The following CA13 variants were observed in gnomAD, a reference collection of about 807,000 sequenced individuals.
The protein encoded by CA13 is carbonic anhydrase 13.
A neutral mutation model predicts 31.5 loss-of-function variants in CA13; 21 were observed. That is an observed-to-expected ratio of 0.67 (90% CI 0.47 to 0.96). The LOEUF (loss-of-function observed/expected upper bound fraction) is 0.96. CA13 is among the 40% of genes least tolerant of loss of function. CA13 has a pLI of 0.00. For missense variants in CA13, 315 were observed against 318.9 expected, an observed-to-expected ratio of 0.99 and a Z score of 0.09; for synonymous variants, 117 against 111.4, an observed-to-expected ratio of 1.05 and a Z score of -0.32.
intron 3 of CA13, 61 bp from the exon 4 acceptor site, chr8:85,266,547 A>T: frequency 7.9e-7 from 1 of 1,269,716 alleles, no homozygotes; most frequent in South Asian, 1.2e-5. Flanking sequence ...TTTTATTTGC[A>T]TTTATGTTTT....
At chr8:85,255,154 G>A (rs1282112919) in intron 2 of CA13, among the ~76,000 whole-genome samples, 3 of 149,064 alleles carry the variant, frequency 2.0e-5, no homozygotes, top group African/African-American at 7.5e-5. Context: ...GACTTTCTTT[G>A]TTCTCAGGCT....
chr8:85,249,343 A>G (rs967235747), intron 1 of CA13, among the ~76,000 whole-genome samples: 3 of 152,066 alleles, frequency 2.0e-5, no homozygotes, highest in African/African-American at 7.2e-5. Context: ...GTTTTTTATA[A>G]AAGTAGCTGG....
intron 2 of CA13, among the ~76,000 whole-genome samples, chr8:85,257,399 G>C (rs950224132): frequency 6.6e-6 from 1 of 152,030 alleles, no homozygotes; most frequent in Non-Finnish European, 1.5e-5. Context: ...AAATGGCCAG[G>C]GTTAGCAAAT....
chr8:85,253,237 G>A (rs1022168852), intron 2 of CA13, among the ~76,000 whole-genome samples: 5 of 149,624 alleles, frequency 3.3e-5, no homozygotes, highest in African/African-American at 1.2e-4. Flanking sequence ...GAGCCACTGC[G>A]CCCAGCCTTT....
At chr8:85,264,224 T>C (rs949704972) in intron 3 of CA13, among the ~76,000 whole-genome samples, 4 of 152,234 alleles carry the variant, frequency 2.6e-5, no homozygotes, top group African/African-American at 9.6e-5. Flanking sequence ...ATGAAACTGA[T>C]TTCAACATTC....
At position 85,245,574 on chromosome 8, in the gene CA13, T is replaced by G. The variant is rs1813707696; in HGVS notation, c.-255T>G. On this transcript the variant is annotated 5_prime_UTR_variant, in exon 1 of 7. Coordinates refer to ENST00000321764, the MANE Select transcript of CA13 (RefSeq NM_198584.3). ...TCTCCGTCTCTCCCTCTAACTCAAA[T>G]CTCTCATTCCCGAGTCCAAACTAAG... is the stretch of plus-strand genomic sequence containing the variant. 1 of 524,302 alleles carries G rather than the reference T, an allele frequency of 1.9e-6. No individual in the cohort carries two copies. Among genetic ancestry groups the G allele is most frequent in the African/African-American group, 2.0e-5 (1 of 48,960 alleles). The allele number at this position is 524,302 out of a possible 1,614,324, so 32.5% of individuals were successfully genotyped here.
chr8:85,254,640 T>C (rs575759635), intron 2 of CA13, among the ~76,000 whole-genome samples: 1 of 152,296 alleles, frequency 6.6e-6, no homozygotes, highest in South Asian at 2.1e-4. Context: ...TGTAGTCCTC[T>C]GAAACAGTAG....
At chr8:85,251,041 C>G in intron 2 of CA13, 104 bp downstream of exon 2, 1 of 1,001,886 alleles carries the variant, frequency 1.0e-6, no homozygotes, top group South Asian at 1.6e-5. Context: ...CTCGCTCTGT[C>G]GCCAGGCTGA....
Position 85,245,796 on chromosome 8 carries a change from C to A in CA13, c.-33C>A. ...TCCCTCCTCTTTCTCGCTGCTCAGTCACATCTTTCTCTTCCTTCCACCCCG... is the reference window on the plus strand; with the variant it reads ...TCCCTCCTCTTTCTCGCTGCTCAGTAACATCTTTCTCTTCCTTCCACCCCG... On this transcript the variant is annotated 5_prime_UTR_variant, in exon 1 of 7. Coordinates refer to ENST00000321764, the MANE Select transcript of CA13 (RefSeq NM_198584.3). The A allele has an allele frequency of 6.2e-7, 1 of 1,613,068 alleles. No homozygotes were observed. Among genetic ancestry groups the A allele is most frequent in the South Asian group, 1.1e-5 (1 of 91,064 alleles).
At position 85,281,381 on chromosome 8, in the gene CA13, G is replaced by A. The variant is rs376472319; in HGVS notation, c.*32G>A. On this transcript the variant is annotated 3_prime_UTR_variant, in exon 7 of 7. Coordinates refer to ENST00000321764, the MANE Select transcript of CA13 (RefSeq NM_198584.3). ...TCACCAATGAACTCCCCCAAACATG[G>A]CTGTGGAGAGACAACAAAACAAAAC... 1 of 1,607,402 alleles carries A rather than the reference G, an allele frequency of 6.2e-7. No individual in the cohort carries two copies. Among genetic ancestry groups the A allele is most frequent in the African/African-American group, 1.3e-5 (1 of 74,850 alleles).
intron 6 of CA13, among the ~76,000 whole-genome samples, chr8:85,272,134 C>T (rs1178043709): frequency 6.6e-6 from 1 of 152,266 alleles, no homozygotes; most frequent in Admixed American, 6.5e-5. Flanking sequence ...CAGTCCTTCA[C>T]CTTCTTCACC....
chr8:85,283,016 C>T lies in CA13; in HGVS notation c.*1667C>T, dbSNP rs1401609129. ...CTTGGCTCACTGCAACCTCCATCTC[C>T]CGGGTTCAAATGATTCTCCTGCCTC... On this transcript the variant is annotated 3_prime_UTR_variant, in exon 7 of 7. Transcript: ENST00000321764. The T allele has an allele frequency of 6.6e-6, 1 of 152,070 alleles. No individual in the cohort carries two copies. Among genetic ancestry groups the T allele is most frequent in the Non-Finnish European group, 1.5e-5 (1 of 68,052 alleles). The allele number at this position is 152,070 out of a possible 1,614,324, so 9.4% of individuals were successfully genotyped here.
At chr8:85,277,011 A>G (rs1807621184) in intron 6 of CA13, among the ~76,000 whole-genome samples, 1 of 152,196 alleles carries the variant, frequency 6.6e-6, no homozygotes, top group Admixed American at 6.5e-5. Flanking sequence ...TGTCTAGCTC[A>G]GGGATTGTAA....
At chr8:85,254,276 T>G (rs992354485) in intron 2 of CA13, among the ~76,000 whole-genome samples, 5 of 66,642 alleles carry the variant, frequency 7.5e-5, no homozygotes, top group African/African-American at 2.7e-4. Context: ...AGATTCCATC[T>G]CAAAAAAAAA....
At chr8:85,254,080 A>G (rs1342361342) in intron 2 of CA13, among the ~76,000 whole-genome samples, 3 of 152,108 alleles carry the variant, frequency 2.0e-5, no homozygotes, top group Non-Finnish European at 2.9e-5. Context: ...AGATTTTGAG[A>G]CCAGCCTGGC....
chr8:85,256,551 A>G (rs958947197), intron 2 of CA13, among the ~76,000 whole-genome samples: 7 of 152,206 alleles, frequency 4.6e-5, no homozygotes, highest in Admixed American at 2.6e-4. Flanking sequence ...ATCTTACACT[A>G]TATATTCTTA....
chr8:85,245,945 C>A, intron 1 of CA13, 80 bp downstream of exon 1: 2 of 1,511,452 alleles, frequency 1.3e-6, no homozygotes, highest in South Asian at 1.1e-5. Context: ...GCTCGCTGAC[C>A]ACACACTGGG....
At chr8:85,268,051 G>T in intron 5 of CA13, 87 bp downstream of exon 5, 1 of 820,262 alleles carries the variant, frequency 1.2e-6, no homozygotes, top group Non-Finnish European at 1.9e-6. Flanking sequence ...GACATATGCT[G>T]CCTGCTTTGA....
chr8:85,268,628 G>A lies in CA13; in HGVS notation c.669+1G>A. The stretch of plus-strand genomic sequence containing the variant: ...ACCTATAAACATCAGCTCTCAACAG[G>A]TACATAATCTCTTCCAGGTTGATAC... On this transcript the variant is annotated splice_donor_variant, in intron 6 of 6. Coordinates refer to ENST00000321764, the MANE Select transcript of CA13 (RefSeq NM_198584.3). LOFTEE classifies it high-confidence loss of function. The A allele has an allele frequency of 6.2e-7, 1 of 1,608,526 alleles. No homozygotes were observed. The highest frequency in any genetic ancestry group is 8.5e-7 in the Non-Finnish European group (1 of 1,177,290).
Sources: allele counts gnomAD v4.1 joint callset (sites outside exome capture counted in the v4.1 genomes callset), GRCh38; gene constraint gnomAD v4.1.1; transcripts MANE v1.5; gene names NCBI Gene and HGNC (gene_info 2026-07-23, HGNC 2026-07-21).